PLCXD2: variants seen among roughly 807,000 people sequenced by gnomAD.
PLCXD2 encodes the protein PI-PLC X domain-containing protein 2.
A neutral mutation model predicts 28.6 loss-of-function variants in PLCXD2; 21 were observed. The ratio of observed to expected loss-of-function variants is 0.73; its 90% confidence interval spans 0.52 to 1.06. The LOEUF (loss-of-function observed/expected upper bound fraction) is 1.06, where lower values mean the gene tolerates loss of function less well. Among genes scored for constraint, PLCXD2 ranks in the 50% least tolerant of loss-of-function variants. The probability of loss-of-function intolerance (pLI) is 0.00; values close to 1 mark genes in which losing one functional copy is unlikely to be tolerated. For missense variants in PLCXD2, 369 were observed against 376.7 expected (o/e 0.98, Z 0.17); for synonymous variants, 140 against 150.1 (o/e 0.93, Z 0.49).
chr3:111,689,809 G>A (rs2107845829), intron 1 of PLCXD2, among the ~76,000 whole-genome samples: 1 of 152,286 alleles, frequency 6.6e-6, no homozygotes, highest in South Asian at 2.1e-4. Context: ...ACTAGGACAG[G>A]CAGGAAGCAA....
At chr3:111,707,768 T>C (rs993648070) in intron 1 of PLCXD2, among the ~76,000 whole-genome samples, 158 bp from the exon 2 acceptor site, 9 of 152,258 alleles carry the variant, frequency 5.9e-5, no homozygotes, top group Non-Finnish European at 1.0e-4. Context: ...GTGTTTATTT[T>C]ATTCCTAGCA....
At chr3:111,705,740 G>T (rs1257364806) in intron 1 of PLCXD2, among the ~76,000 whole-genome samples, 1 of 151,422 alleles carries the variant, frequency 6.6e-6, no homozygotes, top group Non-Finnish European at 1.5e-5. Flanking sequence ...GTTTTGATTT[G>T]CATTTCCTTG....
intron 3 of PLCXD2, among the ~76,000 whole-genome samples, chr3:111,717,184 T>C (rs2107871741): frequency 6.6e-6 from 1 of 152,234 alleles, no homozygotes; most frequent in Non-Finnish European, 1.5e-5. Context: ...TTCTCACCAG[T>C]TAAACAGGAT....
chr3:111,693,823 G>A (rs1231668804), intron 1 of PLCXD2, among the ~76,000 whole-genome samples: 1 of 152,048 alleles, frequency 6.6e-6, no homozygotes, highest in Non-Finnish European at 1.5e-5. Context: ...ACCCCTTTGT[G>A]TGGTATTATC....
chr3:111,724,573 A>T (rs1941391095), intron 3 of PLCXD2: 1 of 152,198 alleles, frequency 6.6e-6, no homozygotes, highest in Non-Finnish European at 1.5e-5. Context: ...TCCCAATGAG[A>T]CATTACTACC....
intron 1 of PLCXD2, among the ~76,000 whole-genome samples, chr3:111,682,821 G>A (rs1940737504): frequency 6.6e-6 from 1 of 152,124 alleles, no homozygotes; most frequent in Non-Finnish European, 1.5e-5. Flanking sequence ...GTGTCCATAT[G>A]GATCCTCACA....
At chr3:111,678,947 C>A (rs1940669295) in intron 1 of PLCXD2, among the ~76,000 whole-genome samples, 1 of 152,132 alleles carries the variant, frequency 6.6e-6, no homozygotes, top group African/African-American at 2.4e-5. Flanking sequence ...TCACTTTAGC[C>A]TCTTAAAAGG....
chr3:111,683,575 T>G (rs1045005194), intron 1 of PLCXD2, among the ~76,000 whole-genome samples: 1 of 152,200 alleles, frequency 6.6e-6, no homozygotes, highest in African/African-American at 2.4e-5. Flanking sequence ...TTCACTCTAT[T>G]CAACACTTGT....
chr3:111,689,535 G>A (rs1176027009), intron 1 of PLCXD2, among the ~76,000 whole-genome samples: 2 of 152,052 alleles, frequency 1.3e-5, no homozygotes, highest in Non-Finnish European at 2.9e-5. Flanking sequence ...GCTTTGCCTC[G>A]CCAATTACAG....
In PLCXD2 at chr3:111,695,055, G is replaced by GA. The variant is rs530522287; in HGVS notation, c.164-12864dup. 5.9e-4 allele frequency among the ~76,000 whole-genome samples: 87 copies of GA among 148,098 alleles called. 1 individual carries two copies. Among genetic ancestry groups the GA allele is most frequent in the Non-Finnish European group, 1.1e-3 (73 of 67,512 alleles). On this transcript the variant is annotated intron_variant, in intron 1 of 4. Transcript: ENST00000477665. ...TGACTGCCTTCGTTTTAGTACATTT[G>GA]AAAAAAATGTTGAATTTCTTAAAAA...
intron 2 of PLCXD2, among the ~76,000 whole-genome samples, chr3:111,711,556 A>G (rs1383262014): frequency 6.6e-6 from 1 of 152,246 alleles, no homozygotes; most frequent in African/African-American, 2.4e-5. Context: ...GTATTTTATT[A>G]CTACAATTTA....
At chr3:111,719,882 T>C (rs140695391) in intron 3 of PLCXD2, among the ~76,000 whole-genome samples, 2 of 152,324 alleles carry the variant, frequency 1.3e-5, no homozygotes, top group African/African-American at 2.4e-5. Flanking sequence ...GTGAATTTTA[T>C]TGAGCGTAAA....
chr3:111,701,219 C>A (rs1941037716), intron 1 of PLCXD2, among the ~76,000 whole-genome samples: 1 of 152,202 alleles, frequency 6.6e-6, no homozygotes, highest in African/African-American at 2.4e-5. Flanking sequence ...GTTCAAAGCA[C>A]TTTGCTTACA....
chr3:111,689,979 G>A (rs114343942), intron 1 of PLCXD2, among the ~76,000 whole-genome samples: 1,834 of 152,180 alleles, frequency 0.012, 18 homozygotes, highest in Non-Finnish European at 0.02. Flanking sequence ...CTAGGGGACC[G>A]ATATTGCTGT....
chr3:111,710,193 T>C (rs1941181620), intron 2 of PLCXD2, among the ~76,000 whole-genome samples: 2 of 152,232 alleles, frequency 1.3e-5, no homozygotes, highest in Admixed American at 1.3e-4. Context: ...TCTTAGTATC[T>C]GCTAAAGTCT....
At chr3:111,702,803 ACT>A (rs1339926927) in intron 1 of PLCXD2, among the ~76,000 whole-genome samples, 1 of 152,232 alleles carries the variant, frequency 6.6e-6, no homozygotes, top group Non-Finnish European at 1.5e-5. Context: ...GGGAAGAATC[ACT>A]GTCTTTAAAG....
intron 3 of PLCXD2, among the ~76,000 whole-genome samples, chr3:111,714,878 A>G (rs926288236): frequency 3.9e-5 from 6 of 152,252 alleles, no homozygotes; most frequent in African/African-American, 1.2e-4. Context: ...ACATTTGGAT[A>G]ACAGGGAATC....
chr3:111,718,491 TGATAGATAGATAGATA>T (rs531765923), intron 3 of PLCXD2, among the ~76,000 whole-genome samples: 4 of 137,112 alleles, frequency 2.9e-5, no homozygotes, highest in East Asian at 2.2e-4. Flanking sequence ...GATGGATAGA[TGATAGATAGATAGATA>T]GATAGATAGA....
chr3:111,682,182 C>T (rs772986580), intron 1 of PLCXD2, among the ~76,000 whole-genome samples: 3 of 152,002 alleles, frequency 2.0e-5, no homozygotes, highest in Non-Finnish European at 4.4e-5. Flanking sequence ...TGTTAAACAT[C>T]GATAGGAATT....
Sources: gnomAD v4.1 joint callset for allele counts (sites outside exome capture counted in the v4.1 genomes callset) on GRCh38, gnomAD v4.1.1 for gene constraint, MANE v1.5 for transcripts, NCBI Gene and HGNC (gene_info 2026-07-23, HGNC 2026-07-21) for gene names.